Variants in XPO7 observed in about 807,000 individuals in gnomAD.
The protein encoded by XPO7 is exportin 7.
XPO7 carries 21 observed loss-of-function variants against 144.3 expected under a neutral mutation model. That is an observed-to-expected ratio of 0.15 (90% confidence interval 0.10 to 0.21). The LOEUF is 0.21. Ranked by LOEUF, XPO7 falls within the 10% of genes least tolerant of loss-of-function variation. XPO7 has a pLI of 1.00. For synonymous variants in XPO7, 580 were observed against 499.6 expected, an observed-to-expected ratio of 1.16 and a Z score of -2.15; for missense variants, 808 against 1,325.8, an observed-to-expected ratio of 0.61 and a Z score of 6.06.
Position 21,977,860 on chromosome 8 carries a change from G to A in XPO7, c.837+17G>A, listed in dbSNP as rs779177318. On this transcript the variant is annotated intron_variant, in intron 8 of 27. Coordinates refer to ENST00000252512, the MANE Select transcript of XPO7 (RefSeq NM_015024.5). ...TCACCTCTGGTGAGTCAGGACTACC[G>A]TTTCTTAAAGCAAACCTATTCATAG... The A allele has an allele frequency of 1.4e-5, 22 of 1,607,514 alleles. No individual in the cohort carries two copies. The highest frequency in any genetic ancestry group is 2.2e-5 in the East Asian group (1 of 44,832).
intron 5 of XPO7, 57 bp downstream of exon 5, chr8:21,971,998 T>C: frequency 2.0e-6 from 3 of 1,520,950 alleles, no homozygotes; most frequent in Non-Finnish European, 2.7e-6. Context: ...TTAGTATTGG[T>C]GTTTTCTGCT....
rs1224611679 is a variant in XPO7 at position 21,980,110 on chromosome 8, T to C, written c.864T>C (p.Ala288=). 2 of 1,602,656 alleles carry C rather than the reference T, an allele frequency of 1.2e-6. No homozygotes were observed. Among genetic ancestry groups the C allele is most frequent in the Non-Finnish European group, 1.7e-6 (2 of 1,173,894 alleles). ...TATTATCCTGCTTGGTACAGATCGC[T>C]TCAGTCAGAAGATCCCTGTTTAACA... is the stretch of plus-strand genomic sequence containing the variant. ...PLVLSCLVQI[A]SVRRSLFNNA... Residue 288 remains alanine (A), a synonymous_variant, in exon 9 of 28, where the codon GCT becomes GCC. Coordinates refer to ENST00000252512, the MANE Select transcript of XPO7 (RefSeq NM_015024.5).
At chr8:21,924,293 T>C (rs964978163) in intron 1 of XPO7, among the ~76,000 whole-genome samples, 2 of 152,342 alleles carry the variant, frequency 1.3e-5, no homozygotes, top group East Asian at 1.9e-4. Flanking sequence ...TATTGAAATA[T>C]ATACCTGCAG....
rs1585448387 is a variant in XPO7 at position 21,966,164 on chromosome 8, G to A, written c.19-693G>A. On this transcript the variant is annotated intron_variant, in intron 1 of 27. Transcript: ENST00000252512. ...TTTGGAGAGAAGAGTTTGCTTGTGG[G>A]TGTTTCCCTTGTCTTATCTGTGAGT... 7 of 664,730 alleles carry A rather than the reference G, an allele frequency of 1.1e-5. No individual in the cohort carries two copies. The East Asian group carries it at 1.9e-4, about 18-fold the overall frequency. 41.2% of individuals were successfully genotyped at this position (664,730 alleles called of 1,614,324 possible).
At chr8:21,999,798 C>T (rs969886376) in intron 24 of XPO7, 124 bp downstream of exon 24, 3 of 1,253,882 alleles carry the variant, frequency 2.4e-6, no homozygotes, top group Non-Finnish European at 3.3e-6. Context: ...TTGGCCATAA[C>T]AATAGAGTAT....
In XPO7 at chr8:22,000,477, C is replaced by T. The variant is rs536662619; in HGVS notation, c.2782+803C>T. Among the ~76,000 whole-genome samples, 17 of 119,520 alleles carry T rather than the reference C, an allele frequency of 1.4e-4. No homozygotes were observed. In the East Asian group the frequency reaches 3.2e-3, roughly 23 times the overall value. 78.4% of individuals were successfully genotyped at this position (119,520 alleles called of 152,430 possible). ...AATTTTTTTTTTTTTTTTTTTGAGACGGAGTCGCTCTGTCGCCCAGGCTGG... is the reference window on the plus strand; with the variant it reads ...AATTTTTTTTTTTTTTTTTTTGAGATGGAGTCGCTCTGTCGCCCAGGCTGG... On this transcript the variant is annotated intron_variant, in intron 24 of 27. Transcript: ENST00000252512.
rs138694554 is a variant in XPO7, at chr8:21,956,393, G to A, written c.19-10464G>A. ...CTGAGGTTTCCCAGTGGTGTGCCTC[G>A]GGTGTGGGTTGACTTTCATGTATTA... On this transcript the variant is annotated intron_variant, in intron 1 of 27. Coordinates refer to ENST00000252512, the MANE Select transcript of XPO7 (RefSeq NM_015024.5). Among the ~76,000 whole-genome samples the A allele has an allele frequency of 4.4e-3, 674 of 152,238 alleles. 3 individuals are homozygous for A. Among genetic ancestry groups the A allele is most frequent in the South Asian group, 8.5e-3 (41 of 4,828 alleles).
chr8:21,982,985 G>C (rs540933428), intron 11 of XPO7, among the ~76,000 whole-genome samples, 173 bp downstream of exon 11: 1 of 152,330 alleles, frequency 6.6e-6, no homozygotes, highest in African/African-American at 2.4e-5. Flanking sequence ...AAGCCTGATA[G>C]AATAGTCTTG....
chr8:21,941,092 T>C (rs958702839), intron 1 of XPO7, among the ~76,000 whole-genome samples: 1 of 151,618 alleles, frequency 6.6e-6, no homozygotes, highest in Non-Finnish European at 1.5e-5. Context: ...TGATAGAAAA[T>C]GGATTAGTAT....
Position 21,930,827 on chromosome 8 carries a change from C to G in XPO7, c.18+11039C>G, listed in dbSNP as rs192602333. 2.0e-5 allele frequency among the ~76,000 whole-genome samples: 3 copies of G among 152,254 alleles called. No individual in the cohort carries two copies. In the East Asian group the frequency reaches 5.8e-4, roughly 29 times the overall value. ...TTTTTTTCATAGTGAAATTCCATTT[C>G]AATAGCCTTTAGATGTTGTAAATAT... On this transcript the variant is annotated intron_variant, in intron 1 of 27. Transcript: ENST00000252512.
chr8:21,957,136 A>T (rs1311125047), intron 1 of XPO7, among the ~76,000 whole-genome samples: 2 of 151,604 alleles, frequency 1.3e-5, no homozygotes, highest in African/African-American at 4.8e-5. Context: ...CTGCCTAAAG[A>T]GTATGTCTGC....
At chr8:21,979,740 T>C (rs555300953) in intron 8 of XPO7, among the ~76,000 whole-genome samples, 37 of 152,290 alleles carry the variant, frequency 2.4e-4, no homozygotes, top group African/African-American at 7.9e-4. Flanking sequence ...TGTAATGACA[T>C]AAGCACATAA....
At chr8:21,948,261 T>C (rs974792412) in intron 1 of XPO7, among the ~76,000 whole-genome samples, 3 of 152,324 alleles carry the variant, frequency 2.0e-5, no homozygotes, top group Non-Finnish European at 4.4e-5. Flanking sequence ...AACTGAAAAA[T>C]TCCTGTTGCC....
rs188714777 is a variant in XPO7, at chr8:22,001,975, G to T, written c.2783-137G>T. 276 of 955,468 alleles carry T rather than the reference G, an allele frequency of 2.9e-4. No homozygotes were observed. In the African/African-American group the frequency reaches 3.9e-3, roughly 13 times the overall value. The allele number at this position is 955,468 out of a possible 1,614,324, so 59.2% of individuals were successfully genotyped here. On this transcript the variant is annotated intron_variant, in intron 24 of 27. Coordinates refer to ENST00000252512, the MANE Select transcript of XPO7 (RefSeq NM_015024.5). The stretch of plus-strand genomic sequence containing the variant: ...CCCTACTGTACAATGAGGTTAAGAG[G>T]TTAACAGGAGTCATCTTGAGCAACC...
At position 21,945,063 on chromosome 8, in the gene XPO7, C is replaced by T. The variant is rs192733609; in HGVS notation, c.19-21794C>T. 5.0e-3 allele frequency among the ~76,000 whole-genome samples: 762 copies of T among 152,326 alleles called. 5 individuals are homozygous for T. Among genetic ancestry groups the T allele is most frequent in the African/African-American group, 0.017 (721 of 41,560 alleles). On this transcript the variant is annotated intron_variant, in intron 1 of 27. Coordinates refer to ENST00000252512, the MANE Select transcript of XPO7 (RefSeq NM_015024.5). ...CTCTTTATTTTCCCCACATTTCCCC[C>T]TTTTCTATTCGACAAAACTGCCATC... is the stretch of plus-strand genomic sequence containing the variant.
intron 1 of XPO7, among the ~76,000 whole-genome samples, chr8:21,937,721 C>T (rs992872250): frequency 3.9e-5 from 6 of 152,122 alleles, no homozygotes; most frequent in Non-Finnish European, 1.5e-5. Context: ...TACCCTGGAC[C>T]AACAAGGAAA....
At chr8:21,966,316 G>A (rs770967878) in intron 1 of XPO7, 1 of 780,522 alleles carries the variant, frequency 1.3e-6, no homozygotes, top group African/African-American at 1.7e-5. Flanking sequence ...GGAGGAAGGT[G>A]CGTAAATACA....
At chr8:21,976,648 C>CTT (rs942490833) in intron 7 of XPO7, 127 bp downstream of exon 7, 1 of 1,171,672 alleles carries the variant, frequency 8.5e-7, no homozygotes, top group East Asian at 2.8e-5. Context: ...ATTCTAACGT[C>CTT]TTTTTTTGTT....
chr8:21,962,930 A>G (rs1811770895), intron 1 of XPO7, among the ~76,000 whole-genome samples: 1 of 152,184 alleles, frequency 6.6e-6, no homozygotes, highest in Non-Finnish European at 1.5e-5. Flanking sequence ...GGTCCTTAAA[A>G]TGGTTCATTT....
Sources: allele counts gnomAD v4.1 joint callset (sites outside exome capture counted in the v4.1 genomes callset), GRCh38; gene constraint gnomAD v4.1.1; transcripts MANE v1.5; gene names NCBI Gene and HGNC (gene_info 2026-07-23, HGNC 2026-07-21).